Variants in ARB2A observed in about 807,000 individuals in gnomAD.
ARB2A encodes ARB2 cotranscriptional regulator A, also known as cotranscriptional regulator ARB2A.
chr5:93,767,116 C>A, the ARB2A span, among the ~76,000 whole-genome samples: 1 of 152,110 alleles, frequency 6.6e-6, no homozygotes, highest in African/African-American at 2.4e-5. Flanking sequence ...GTGCAGCACA[C>A]CAACATGGCA....
the ARB2A span, among the ~76,000 whole-genome samples, chr5:93,644,338 A>G: frequency 2.0e-5 from 3 of 152,200 alleles, no homozygotes; most frequent in East Asian, 5.8e-4. Context: ...AATATACCAC[A>G]TTGGTATACC....
chr5:93,825,305 AC>A, the ARB2A span, among the ~76,000 whole-genome samples: 1 of 48,246 alleles, frequency 2.1e-5, no homozygotes, highest in Non-Finnish European at 4.4e-5. Context: ...TAGGGCACAA[AC>A]AAGATAATTT....
At chr5:93,913,963 TAC>T in the ARB2A span, among the ~76,000 whole-genome samples, 1 of 151,960 alleles carries the variant, frequency 6.6e-6, no homozygotes, top group Admixed American at 6.6e-5. Context: ...AATATCAAAC[TAC>T]ACCCTCAAGA....
At chr5:93,954,063 C>T in the ARB2A span, among the ~76,000 whole-genome samples, 5 of 152,082 alleles carry the variant, frequency 3.3e-5, no homozygotes, top group Non-Finnish European at 5.9e-5. Flanking sequence ...GAAATACTGC[C>T]CAAGAGTCAA....
the ARB2A span, among the ~76,000 whole-genome samples, chr5:93,717,505 T>C: frequency 2.7e-5 from 4 of 147,258 alleles, no homozygotes; most frequent in Admixed American, 2.7e-4. Flanking sequence ...AAGGGCCATA[T>C]ACATAGAAAA....
the ARB2A span, among the ~76,000 whole-genome samples, chr5:93,873,497 T>G: frequency 6.6e-6 from 1 of 152,074 alleles, no homozygotes; most frequent in Non-Finnish European, 1.5e-5. Flanking sequence ...CTACTGTGTT[T>G]ACTAGGTTTT....
the ARB2A span, among the ~76,000 whole-genome samples, chr5:93,664,127 G>C: frequency 6.6e-6 from 1 of 151,378 alleles, no homozygotes; most frequent in African/African-American, 2.4e-5. Context: ...CTGGGCGGGG[G>C]TGGGGGGCAG....
chr5:93,862,141 T>C, the ARB2A span: 1 of 152,260 alleles, frequency 6.6e-6, no homozygotes, highest in African/African-American at 2.4e-5. Context: ...ATGGTATTTA[T>C]GACAGAGTAT....
the ARB2A span, among the ~76,000 whole-genome samples, chr5:93,831,326 T>C: frequency 6.7e-6 from 1 of 150,054 alleles, no homozygotes; most frequent in Non-Finnish European, 1.5e-5. Context: ...AGTCATTTAC[T>C]GAAATGATTT....
chr5:93,864,612 A>G, the ARB2A span, among the ~76,000 whole-genome samples: 1 of 152,108 alleles, frequency 6.6e-6, no homozygotes, highest in Non-Finnish European at 1.5e-5. Flanking sequence ...TATAGAAACA[A>G]TTTGCACAAA....
chr5:93,715,804 T>C, the ARB2A span, among the ~76,000 whole-genome samples: 1 of 152,108 alleles, frequency 6.6e-6, no homozygotes, highest in Non-Finnish European at 1.5e-5. Flanking sequence ...AAAAAATGCT[T>C]GTTAGAAAAG....
chr5:93,956,539 G>A, the ARB2A span, among the ~76,000 whole-genome samples: 1 of 152,122 alleles, frequency 6.6e-6, no homozygotes, highest in Non-Finnish European at 1.5e-5. Flanking sequence ...ATTTACTTCA[G>A]TAGTGATATG....
the ARB2A span, among the ~76,000 whole-genome samples, chr5:93,852,933 T>C: frequency 4.6e-5 from 7 of 152,166 alleles, no homozygotes; most frequent in Admixed American, 4.6e-4. Context: ...GACTTGGCGA[T>C]GTGGGCTCTT....
At chr5:93,997,233 G>A in the ARB2A span, among the ~76,000 whole-genome samples, 1 of 151,912 alleles carries the variant, frequency 6.6e-6, no homozygotes, top group Non-Finnish European at 1.5e-5. Context: ...CACCTTGTCA[G>A]CCTCCAAAGA....
At chr5:93,733,753 T>C in the ARB2A span, 1 of 152,216 alleles carries the variant, frequency 6.6e-6, no homozygotes, top group Non-Finnish European at 1.5e-5. Flanking sequence ...TTTTATTCTT[T>C]CAGTTTAGAA....
chr5:94,024,530 C>G, the ARB2A span, among the ~76,000 whole-genome samples: 1 of 152,124 alleles, frequency 6.6e-6, no homozygotes, highest in Non-Finnish European at 1.5e-5. Flanking sequence ...AACTATCCAT[C>G]TAGCCTTAGT....
the ARB2A span, chr5:93,805,636 G>A: frequency 1.8e-5 from 18 of 984,896 alleles, no homozygotes; most frequent in South Asian, 9.4e-5. Context: ...TCCAATTTGG[G>A]TCCATACAAG....
chr5:93,797,942 A>G, the ARB2A span, among the ~76,000 whole-genome samples: 1 of 152,140 alleles, frequency 6.6e-6, no homozygotes, highest in Admixed American at 6.6e-5. Context: ...ATATCAACAA[A>G]ACATCAATGT....
the ARB2A span, among the ~76,000 whole-genome samples, chr5:93,672,952 C>T: frequency 6.6e-6 from 1 of 152,150 alleles, no homozygotes; most frequent in Non-Finnish European, 1.5e-5. Flanking sequence ...GTAACTTTAG[C>T]TACTGCAGAA....
Sources: allele counts gnomAD v4.1 joint callset (sites outside exome capture counted in the v4.1 genomes callset), GRCh38; gene constraint gnomAD v4.1.1; transcripts MANE v1.5; gene names NCBI Gene and HGNC (gene_info 2026-07-23, HGNC 2026-07-21).